The following GRM5 variants were observed in gnomAD, a reference collection of about 807,000 sequenced individuals.
The protein encoded by GRM5 is metabotropic glutamate receptor 5.
In GRM5, 19 loss-of-function variants were observed where a neutral mutation model predicts 83.1. The ratio of observed to expected loss-of-function variants is 0.23; its 90% CI spans 0.16 to 0.34. The LOEUF is 0.34. GRM5 is among the 10% of genes least tolerant of loss of function. The pLI is 1.00. For missense variants in GRM5, 1,160 were observed against 1,588.3 expected (o/e 0.73, Z 4.58); for synonymous variants, 675 against 633.6 (o/e 1.07, Z -0.98).
chr11:88,910,720 G>A (rs1269948377), intron 2 of GRM5, among the ~76,000 whole-genome samples: 1 of 152,030 alleles, frequency 6.6e-6, no homozygotes, highest in Non-Finnish European at 1.5e-5. Flanking sequence ...TTTTAAGCAA[G>A]AACATGATAA....
intron 2 of GRM5, among the ~76,000 whole-genome samples, chr11:88,928,764 TTTTAA>T (rs1945835259): frequency 6.6e-6 from 1 of 152,002 alleles, no homozygotes; most frequent in African/African-American, 2.4e-5. Context: ...TGATTTTATG[TTTTAA>T]TTTATAAGTT....
chr11:89,045,416 T>C (rs1262269160), intron 2 of GRM5, among the ~76,000 whole-genome samples: 2 of 152,166 alleles, frequency 1.3e-5, no homozygotes, highest in Non-Finnish European at 2.9e-5. Context: ...AATCAAATTG[T>C]TTGCATAAAA....
chr11:88,720,507 A>G (rs894188394), intron 3 of GRM5, among the ~76,000 whole-genome samples: 16 of 151,874 alleles, frequency 1.1e-4, no homozygotes, highest in Admixed American at 2.6e-4. Context: ...GGATCCTGCC[A>G]TTCATACCAA....
chr11:88,910,185 A>G (rs1442549520), intron 2 of GRM5, among the ~76,000 whole-genome samples: 2 of 151,924 alleles, frequency 1.3e-5, no homozygotes, highest in African/African-American at 2.4e-5. Flanking sequence ...GTCTTCTTGT[A>G]TCTAGTTTAT....
At chr11:88,972,036 G>A (rs998686930) in intron 2 of GRM5, among the ~76,000 whole-genome samples, 3 of 152,098 alleles carry the variant, frequency 2.0e-5, no homozygotes, top group Non-Finnish European at 2.9e-5. Context: ...CAGGAGCATC[G>A]CCATCTTGGA....
At chr11:88,929,484 T>C (rs1450142055) in intron 2 of GRM5, among the ~76,000 whole-genome samples, 1 of 152,138 alleles carries the variant, frequency 6.6e-6, no homozygotes, top group African/African-American at 2.4e-5. Flanking sequence ...AGATAAAAAC[T>C]CTAAGGCAAT....
At chr11:88,942,352 T>G (rs1433029936) in intron 2 of GRM5, among the ~76,000 whole-genome samples, 1 of 152,046 alleles carries the variant, frequency 6.6e-6, no homozygotes, top group Non-Finnish European at 1.5e-5. Flanking sequence ...GAGTATATAT[T>G]GTACCATTCT....
chr11:88,524,263 G>C (rs1591322489), intron 9 of GRM5, among the ~76,000 whole-genome samples: 1 of 131,574 alleles, frequency 7.6e-6, no homozygotes, highest in Non-Finnish European at 1.6e-5. Flanking sequence ...CGTTGCCCAG[G>C]TTGGAGTGCA....
intron 2 of GRM5, among the ~76,000 whole-genome samples, chr11:88,984,209 C>T (rs1343523909): frequency 6.6e-6 from 1 of 152,122 alleles, no homozygotes; most frequent in African/African-American, 2.4e-5. Context: ...CTCACCAACT[C>T]ACCAGAGTAA....
chr11:88,870,606 G>C (rs1944748747), intron 2 of GRM5, among the ~76,000 whole-genome samples: 1 of 151,580 alleles, frequency 6.6e-6, no homozygotes, highest in Non-Finnish European at 1.5e-5. Context: ...TTTGTAGTCT[G>C]ATAGACCAAC....
chr11:88,626,100 A>G (rs1301294380), intron 4 of GRM5, among the ~76,000 whole-genome samples: 1 of 152,180 alleles, frequency 6.6e-6, no homozygotes, highest in African/African-American at 2.4e-5. Context: ...AATTTTGTAA[A>G]TTGAGAGCAG....
At chr11:88,603,971 C>G (rs1938072897) in intron 5 of GRM5, among the ~76,000 whole-genome samples, 1 of 152,110 alleles carries the variant, frequency 6.6e-6, no homozygotes, top group Non-Finnish European at 1.5e-5. Flanking sequence ...AGACTCAGCC[C>G]TGCTACAACT....
chr11:89,060,517 A>G (rs1941970251), intron 1 of GRM5, among the ~76,000 whole-genome samples: 1 of 152,124 alleles, frequency 6.6e-6, no homozygotes, highest in Admixed American at 6.5e-5. Context: ...AATGCCTTGT[A>G]TTGTTGATAT....
intron 3 of GRM5, among the ~76,000 whole-genome samples, chr11:88,672,534 A>C (rs1225909026): frequency 6.6e-6 from 1 of 151,950 alleles, no homozygotes; most frequent in Non-Finnish European, 1.5e-5. Context: ...ATTTTTTATA[A>C]GTTGATATCT....
rs1342511411 is a variant in GRM5, at chr11:89,047,892, C to G, written c.-20G>C. The G allele has an allele frequency of 6.2e-7, 1 of 1,601,964 alleles. No homozygotes were observed. The highest frequency in any genetic ancestry group is 8.5e-7 in the Non-Finnish European group (1 of 1,170,762). ...GACCATTTTAGGAAAGGAGTTCAAGCCAATAAAGATAGCATGGTGGGGAAA... is the reference window on the plus strand; with the variant it reads ...GACCATTTTAGGAAAGGAGTTCAAGGCAATAAAGATAGCATGGTGGGGAAA... On this transcript the variant is annotated 5_prime_UTR_variant, in exon 2 of 10. Coordinates refer to ENST00000305447, the MANE Select transcript of GRM5 (RefSeq NM_001143831.3). The surrounding 1 kb of genome is among the most constrained non-coding windows in gnomAD (Gnocchi z 5.1).
At chr11:88,723,065 T>C (rs1941585122) in intron 3 of GRM5, among the ~76,000 whole-genome samples, 2 of 152,090 alleles carry the variant, frequency 1.3e-5, no homozygotes, top group Admixed American at 1.3e-4. Context: ...CAACCACTAA[T>C]ATTTTTACTG....
chr11:88,525,896 T>C (rs1941862525), intron 8 of GRM5, among the ~76,000 whole-genome samples: 1 of 152,180 alleles, frequency 6.6e-6, no homozygotes, highest in South Asian at 2.1e-4. Context: ...AATCAAAGAT[T>C]AGTTAATTAA....
chr11:89,058,973 A>G (rs1941933517), intron 1 of GRM5, among the ~76,000 whole-genome samples: 1 of 152,164 alleles, frequency 6.6e-6, no homozygotes, highest in South Asian at 2.1e-4. Context: ...TCTTTGAATA[A>G]TTCTACATTA....
chr11:89,009,616 G>T (rs1252594524), intron 2 of GRM5, among the ~76,000 whole-genome samples: 1 of 151,894 alleles, frequency 6.6e-6, no homozygotes, highest in Non-Finnish European at 1.5e-5. Flanking sequence ...ACAAAATCAG[G>T]CCGGGCGCGG....
Sources: allele counts gnomAD v4.1 joint callset (sites outside exome capture counted in the v4.1 genomes callset), GRCh38; gene constraint gnomAD v4.1.1; non-coding constraint Gnocchi (gnomAD v3.1); transcripts MANE v1.5; gene names NCBI Gene and HGNC (gene_info 2026-07-23, HGNC 2026-07-21).